Variants in FAM124A observed in about 807,000 individuals in gnomAD.
FAM124A encodes protein FAM124A.
Under a neutral mutation model 24.5 loss-of-function variants are expected in FAM124A, and 23 were observed. The observed-to-expected ratio is 0.94, with a 90% CI of 0.68 to 1.33. The LOEUF (loss-of-function observed/expected upper bound fraction) is 1.33. Ranked by LOEUF, FAM124A falls within the 40% of genes most tolerant of loss-of-function variation. The pLI, the probability that FAM124A is intolerant of heterozygous loss-of-function variation, is 0.00. For missense variants in FAM124A, 623 were observed against 722.8 expected (o/e 0.86, Z 1.58); for synonymous variants, 287 against 314.7 (o/e 0.91, Z 0.93).
intron 3 of FAM124A, among the ~76,000 whole-genome samples, chr13:51,265,216 G>A (rs1954772980): frequency 6.6e-6 from 1 of 152,172 alleles, no homozygotes; most frequent in African/African-American, 2.4e-5. Context: ...GCCACCAGAT[G>A]GGAAAGAAGG....
At chr13:51,235,509 C>A (rs1954426987) in intron 2 of FAM124A, among the ~76,000 whole-genome samples, 2 of 152,142 alleles carry the variant, frequency 1.3e-5, no homozygotes, top group African/African-American at 4.8e-5. Flanking sequence ...GTATTAGGAA[C>A]TTAAAAATTA....
At chr13:51,249,540 C>T (rs1278916785) in intron 2 of FAM124A, among the ~76,000 whole-genome samples, 1 of 152,170 alleles carries the variant, frequency 6.6e-6, no homozygotes, top group Non-Finnish European at 1.5e-5. Context: ...ACAGACTATT[C>T]TCTTATACAT....
At position 51,274,460 on chromosome 13, in the gene FAM124A, T is replaced by C. The variant is rs1954867124; in HGVS notation, c.835-5990T>C. ...GCATTTTGGATTTCAGATTTGGGATTAGGAATACTCAACCTGTATTAAACA... is the reference window on the plus strand; with the variant it reads ...GCATTTTGGATTTCAGATTTGGGATCAGGAATACTCAACCTGTATTAAACA... On this transcript the variant is annotated intron_variant, in intron 3 of 3. Transcript: ENST00000322475. 2.6e-5 allele frequency among the ~76,000 whole-genome samples: 4 copies of C among 152,324 alleles called. No individual in the cohort carries two copies. In the South Asian group the frequency reaches 8.3e-4, roughly 32 times the overall value.
intron 2 of FAM124A, among the ~76,000 whole-genome samples, chr13:51,235,773 AT>A (rs1296264000): frequency 6.6e-6 from 1 of 152,356 alleles, no homozygotes; most frequent in East Asian, 1.9e-4. Flanking sequence ...ATGCTAAAAG[AT>A]TGGGTGAAGT....
At position 51,281,116 on chromosome 13, in the gene FAM124A, C is replaced by T. The variant is rs770628949; in HGVS notation, c.1501C>T (p.Pro501Ser). The T allele has an allele frequency of 5.0e-6, 8 of 1,614,114 alleles. No individual in the cohort carries two copies. Among genetic ancestry groups the T allele is most frequent in the South Asian group, 3.3e-5 (3 of 91,082 alleles). The change falls in exon 4 of 4, where the codon CCC (proline) becomes TCC (serine). Residue 501 changes from proline (P) to serine (S), a missense_variant. Physicochemically the swap from Pro to Ser is moderately conservative, Grantham distance 74 (BLOSUM62 -1). Coordinates refer to ENST00000322475, the MANE Select transcript of FAM124A (RefSeq NM_001242312.2). ...GACAGCTCGTGCTGCTCCCCCAGCT[C>T]CCAGCACCTCCACCCTCACAGACTC... ...SATARAAPPA[P>S]STSTLTDSSP...
Position 51,252,046 on chromosome 13 carries a change from T to TGTGACCA in FAM124A, c.683_689dup (p.Cys230Ter). The TGTGACCA allele has an allele frequency of 6.2e-7, 1 of 1,614,166 alleles. No homozygotes were observed. Among genetic ancestry groups the TGTGACCA allele is most frequent in the Non-Finnish European group, 8.5e-7 (1 of 1,180,034 alleles). ...CCAGTTCTCCCTGAAAAGACTGCCC[T>TGTGACCA]GTGACCAGTGCCCGGTGCCCACCGA... On this transcript the variant is annotated frameshift_variant, in exon 3 of 4. Transcript: ENST00000322475. LOFTEE classifies it high-confidence loss of function.
rs1173669159 is a variant in FAM124A, at chr13:51,258,643, A to G, written c.834+6442A>G. ...GGGCAGCACGTGGCATGGGCTTCAG[A>G]GTCTCAACTCTTGTACTCACCTGTT... is the stretch of plus-strand genomic sequence containing the variant. On this transcript the variant is annotated intron_variant, in intron 3 of 3. Coordinates refer to ENST00000322475, the MANE Select transcript of FAM124A (RefSeq NM_001242312.2). This position sits in a 1 kb window ranked among gnomAD's most constrained non-coding sequence, Gnocchi z 4.2. 6.6e-6 allele frequency among the ~76,000 whole-genome samples: 1 copy of G among 152,182 alleles called. No individual in the cohort carries two copies.
At position 51,284,087 on chromosome 13, in the gene FAM124A, C is replaced by A. The variant is rs1348992777; in HGVS notation, c.*2831C>A. 1.3e-5 allele frequency: 2 copies of A among 152,252 alleles called. No individual in the cohort carries two copies. The highest frequency in any genetic ancestry group is 2.1e-4 in the South Asian group (1 of 4,832). The allele number at this position is 152,252 out of a possible 1,614,324, so 9.4% of individuals were successfully genotyped here. The stretch of plus-strand genomic sequence containing the variant: ...AATCACAGGAACACATTTACCAAAG[C>A]CTTCCCTTCCATTCCTGGCCATTCC... On this transcript the variant is annotated 3_prime_UTR_variant, in exon 4 of 4. Transcript: ENST00000322475.
At chr13:51,224,716 G>C (rs1424191755) in intron 1 of FAM124A, among the ~76,000 whole-genome samples, 3 of 152,072 alleles carry the variant, frequency 2.0e-5, no homozygotes, top group East Asian at 1.9e-4. Flanking sequence ...GTTTGCTATC[G>C]TTAGTATTTT....
chr13:51,267,242 G>A (rs1381184053), intron 3 of FAM124A, among the ~76,000 whole-genome samples: 3 of 152,186 alleles, frequency 2.0e-5, no homozygotes, highest in African/African-American at 7.2e-5. Flanking sequence ...CTGGAAGCAT[G>A]TAGATAAACC....
At chr13:51,260,244 TG>T (rs1954720999) in intron 3 of FAM124A, among the ~76,000 whole-genome samples, 1 of 152,136 alleles carries the variant, frequency 6.6e-6, no homozygotes, top group African/African-American at 2.4e-5. Flanking sequence ...ACACAAAAAA[TG>T]GTGGCTGTGC....
In FAM124A at chr13:51,280,719, G is replaced by A. The variant is rs201596638; in HGVS notation, c.1104G>A (p.Thr368=). The A allele has an allele frequency of 3.5e-5, 56 of 1,614,108 alleles. 2 individuals carry two copies. In the South Asian group the frequency reaches 4.4e-4, roughly 13 times the overall value. Residue 368 remains threonine, a synonymous_variant, in exon 4 of 4, where the codon ACG becomes ACA. Coordinates refer to ENST00000322475, the MANE Select transcript of FAM124A (RefSeq NM_001242312.2). ...GCAAGTCCTTGTTTTGTTTGCCCAC[G>A]GGAGGCCCCTCCCTGGCCTCCTCAG... is the stretch of plus-strand genomic sequence containing the variant. ...QRSKSLFCLP[T]GGPSLASSAE...
At chr13:51,266,150 G>C (rs1487145029) in intron 3 of FAM124A, among the ~76,000 whole-genome samples, 1 of 152,126 alleles carries the variant, frequency 6.6e-6, no homozygotes, top group Non-Finnish European at 1.5e-5. Flanking sequence ...CATATTTTCA[G>C]CCATTTTTAG....
At chr13:51,261,024 A>G (rs1373723606) in intron 3 of FAM124A, among the ~76,000 whole-genome samples, 1 of 152,380 alleles carries the variant, frequency 6.6e-6, no homozygotes, top group East Asian at 1.9e-4. Flanking sequence ...TAACAGGCTC[A>G]GTAAGACCAT....
chr13:51,245,370 CAAAGA>C, intron 2 of FAM124A: 1 of 697,226 alleles, frequency 1.4e-6, no homozygotes. Flanking sequence ...CACACGGTGA[CAAAGA>C]AAAGGGAAGA....
In FAM124A at chr13:51,281,444, G is replaced by A; in HGVS notation, c.*188G>A. ...TCTAGAGACACAGCAGAAAAATACT[G>A]GCATTTTTATGCAAATAAATTCTCA... is the stretch of plus-strand genomic sequence containing the variant. On this transcript the variant is annotated 3_prime_UTR_variant, in exon 4 of 4. Coordinates refer to ENST00000322475, the MANE Select transcript of FAM124A (RefSeq NM_001242312.2). The A allele has an allele frequency of 2.0e-6, 1 of 488,114 alleles. No individual in the cohort carries two copies. The highest frequency in any genetic ancestry group is 3.5e-6 in the Non-Finnish European group (1 of 284,604). 30.2% of individuals were successfully genotyped at this position (488,114 alleles called of 1,614,324 possible).
chr13:51,240,897 TGGCACACA>T (rs1954484118), intron 2 of FAM124A, among the ~76,000 whole-genome samples: 1 of 152,232 alleles, frequency 6.6e-6, no homozygotes, highest in Non-Finnish European at 1.5e-5. Context: ...AGAACGCTTC[TGGCACACA>T]GATTTTCATC....
At chr13:51,277,849 A>G (rs1288663017) in intron 3 of FAM124A, among the ~76,000 whole-genome samples, 1 of 104,304 alleles carries the variant, frequency 9.6e-6, no homozygotes, top group Non-Finnish European at 1.8e-5. Context: ...CTTGACACCC[A>G]GATCCTTGAA....
intron 2 of FAM124A, among the ~76,000 whole-genome samples, chr13:51,238,138 C>G (rs144652296): frequency 6.6e-6 from 1 of 152,322 alleles, no homozygotes; most frequent in Non-Finnish European, 1.5e-5. Context: ...CCACAGAATG[C>G]CAGCTGTTGT....
Sources: gnomAD v4.1 joint callset for allele counts (sites outside exome capture counted in the v4.1 genomes callset) on GRCh38, gnomAD v4.1.1 for gene constraint, Gnocchi (gnomAD v3.1) non-coding constraint, MANE v1.5 for transcripts, NCBI Gene and HGNC (gene_info 2026-07-23, HGNC 2026-07-21) for gene names.